ADGRB3: variants seen among roughly 807,000 people sequenced by gnomAD.
The protein encoded by ADGRB3 is brain-specific angiogenesis inhibitor 3.
A neutral mutation model predicts 193.4 loss-of-function variants in ADGRB3; 37 were observed. That is an observed-to-expected ratio of 0.19 (90% confidence interval 0.15 to 0.25). ADGRB3 has a LOEUF of 0.25. Among genes scored for constraint, ADGRB3 ranks in the 10% least tolerant of loss-of-function variants. ADGRB3 has a pLI of 1.00. For synonymous variants in ADGRB3, 690 were observed against 644.2 expected (o/e 1.07, Z -1.08); for missense variants, 1,637 against 1,852.9 (o/e 0.88, Z 2.14).
chr6:68,974,111 T>G (rs1019951372), intron 8 of ADGRB3, among the ~76,000 whole-genome samples: 2 of 152,202 alleles, frequency 1.3e-5, no homozygotes, highest in African/African-American at 4.8e-5. Context: ...TTAATAATTT[T>G]AATGTGCCTT....
At chr6:69,355,797 A>G (rs372479098) in intron 27 of ADGRB3, 24 bp from the exon 28 acceptor site, 71 of 1,584,632 alleles carry the variant, frequency 4.5e-5, no homozygotes, top group Non-Finnish European at 4.8e-5. Context: ...TGATGGTTCT[A>G]TGTCTTATTA....
At chr6:69,387,492 G>A (rs1015669091) in intron 31 of ADGRB3, among the ~76,000 whole-genome samples, 1 of 151,482 alleles carries the variant, frequency 6.6e-6, no homozygotes, top group Non-Finnish European at 1.5e-5. Context: ...CAGAAGTAAG[G>A]TTAATCAGTG....
intron 15 of ADGRB3, among the ~76,000 whole-genome samples, chr6:69,057,227 T>C (rs1771570144): frequency 1.3e-5 from 2 of 152,162 alleles, no homozygotes; most frequent in Non-Finnish European, 2.9e-5. Context: ...TTGATTTTTG[T>C]GCGTTAATTT....
At chr6:68,651,961 G>A (rs1768375889) in intron 3 of ADGRB3, among the ~76,000 whole-genome samples, 1 of 152,050 alleles carries the variant, frequency 6.6e-6, no homozygotes, top group African/African-American at 2.4e-5. Context: ...CTGTCAGTTT[G>A]TTCCTACTGT....
chr6:68,815,170 A>G (rs534455386), intron 3 of ADGRB3, among the ~76,000 whole-genome samples: 2 of 152,196 alleles, frequency 1.3e-5, no homozygotes, highest in African/African-American at 4.8e-5. Context: ...GTTTCAAGGC[A>G]GTTAGTTTCC....
intron 17 of ADGRB3, among the ~76,000 whole-genome samples, chr6:69,172,643 C>CAAAAAAAAAAAAAAAAAAAAAAAAAAA (rs70987454): frequency 1.1e-4 from 3 of 26,832 alleles, no homozygotes; most frequent in African/African-American, 3.2e-4. Flanking sequence ...GACTCTGTCT[C>CAAAAAAAAAAAAAAAAAAAAAAAAAAA]AAAAAAAAAA....
intron 3 of ADGRB3, among the ~76,000 whole-genome samples, chr6:68,741,807 A>G (rs1765988495): frequency 6.6e-6 from 1 of 152,156 alleles, no homozygotes; most frequent in Non-Finnish European, 1.5e-5. Context: ...TACAACCTAA[A>G]CATTTTTGCT....
At chr6:68,653,389 GT>G (rs1304956466) in intron 3 of ADGRB3, among the ~76,000 whole-genome samples, 2 of 152,050 alleles carry the variant, frequency 1.3e-5, no homozygotes, top group Non-Finnish European at 2.9e-5. Context: ...GTGCTAAAAC[GT>G]GATTAGTTAC....
chr6:68,969,283 G>A (rs1434289685), intron 8 of ADGRB3, among the ~76,000 whole-genome samples: 3 of 152,088 alleles, frequency 2.0e-5, no homozygotes, highest in Non-Finnish European at 2.9e-5. Flanking sequence ...CATTTAAGCA[G>A]CATTTTAAGG....
chr6:69,362,795 C>A (rs1050280335), intron 29 of ADGRB3, among the ~76,000 whole-genome samples: 6 of 151,952 alleles, frequency 3.9e-5, no homozygotes, highest in Non-Finnish European at 7.4e-5. Context: ...GCTGCAGTTT[C>A]TTTATTTGTA....
chr6:68,868,715 C>A (rs945873081), intron 3 of ADGRB3, among the ~76,000 whole-genome samples: 1 of 152,070 alleles, frequency 6.6e-6, no homozygotes, highest in African/African-American at 2.4e-5. Flanking sequence ...ACCTTGATAA[C>A]TATTATTATC....
chr6:69,178,895 T>A (rs1775505556), intron 17 of ADGRB3, among the ~76,000 whole-genome samples: 1 of 152,204 alleles, frequency 6.6e-6, no homozygotes, highest in South Asian at 2.1e-4. Flanking sequence ...TTATTGTTGA[T>A]CTTAGATAGC....
At chr6:69,358,735 TG>T (rs1474214017) in intron 28 of ADGRB3, among the ~76,000 whole-genome samples, 1 of 151,906 alleles carries the variant, frequency 6.6e-6, no homozygotes, top group African/African-American at 2.4e-5. Flanking sequence ...TTTCACTACT[TG>T]ATTAGTTTCT....
At chr6:69,191,693 G>A (rs560905589) in intron 17 of ADGRB3, among the ~76,000 whole-genome samples, 48 of 152,196 alleles carry the variant, frequency 3.2e-4, no homozygotes, top group Middle Eastern at 3.4e-3. Flanking sequence ...TGTTGAGTGC[G>A]TGCTATATGC....
intron 20 of ADGRB3, among the ~76,000 whole-genome samples, chr6:69,316,351 A>C (rs771240435): frequency 6.6e-6 from 1 of 151,520 alleles, no homozygotes; most frequent in East Asian, 1.9e-4. Context: ...GATGGAAAAT[A>C]GGAAACATAG....
chr6:68,909,789 G>A (rs944840965), intron 3 of ADGRB3, among the ~76,000 whole-genome samples: 1 of 152,042 alleles, frequency 6.6e-6, no homozygotes, highest in Non-Finnish European at 1.5e-5. Flanking sequence ...GAAATTTAAA[G>A]GGTAACCCAG....
At chr6:68,867,642 C>T (rs1282487059) in intron 3 of ADGRB3, among the ~76,000 whole-genome samples, 2 of 152,212 alleles carry the variant, frequency 1.3e-5, no homozygotes, top group East Asian at 3.9e-4. Context: ...AGACACTCAA[C>T]ACAGCCCATG....
At chr6:69,032,642 T>C (rs1770746569) in intron 13 of ADGRB3, among the ~76,000 whole-genome samples, 1 of 152,232 alleles carries the variant, frequency 6.6e-6, no homozygotes, top group Admixed American at 6.5e-5. Context: ...TACCAAGAAA[T>C]CTGGACTAAA....
chr6:69,203,528 T>C (rs1188003378), intron 17 of ADGRB3, among the ~76,000 whole-genome samples: 2 of 152,046 alleles, frequency 1.3e-5, no homozygotes, highest in Non-Finnish European at 2.9e-5. Context: ...TGGTAAGAAG[T>C]CATATCATTG....
Sources: allele counts gnomAD v4.1 joint callset (sites outside exome capture counted in the v4.1 genomes callset), GRCh38; gene constraint gnomAD v4.1.1; transcripts MANE v1.5; gene names NCBI Gene and HGNC (gene_info 2026-07-23, HGNC 2026-07-21).